DOCK1: variants seen among roughly 807,000 people sequenced by gnomAD.
The protein encoded by DOCK1 is dedicator of cytokinesis 1, also known as dedicator of cytokinesis protein 1.
Under a neutral mutation model 262.7 loss-of-function variants are expected in DOCK1, and 138 were observed. The ratio of observed to expected loss-of-function variants is 0.53; its 90% CI spans 0.46 to 0.61. The LOEUF is 0.61. Ranked by LOEUF, DOCK1 falls within the 20% of genes least tolerant of loss-of-function variation. The pLI is 0.00. For synonymous variants in DOCK1, 866 were observed against 867.4 expected, an observed-to-expected ratio of 1.00 and a Z score of 0.03; for missense variants, 1,908 against 2,370.7, an observed-to-expected ratio of 0.80 and a Z score of 4.05.
At chr10:127,000,343 G>C in intron 10 of DOCK1, 36 bp downstream of exon 10, 1 of 1,604,562 alleles carries the variant, frequency 6.2e-7, no homozygotes, top group South Asian at 1.1e-5. Context: ...GAGAGTTTCA[G>C]ATCTTCACAG....
intron 27 of DOCK1, among the ~76,000 whole-genome samples, chr10:127,151,766 C>T (rs1197437769): frequency 1.3e-5 from 2 of 152,174 alleles, no homozygotes; most frequent in African/African-American, 4.8e-5. Flanking sequence ...TTGGCAAATT[C>T]CTGTGGTGCT....
chr10:126,974,618 G>A (rs1011986597), intron 2 of DOCK1, among the ~76,000 whole-genome samples: 2 of 152,270 alleles, frequency 1.3e-5, no homozygotes, highest in East Asian at 3.9e-4. Context: ...AGAGCAGCCA[G>A]GTAATCGTTC....
At chr10:127,146,342 T>A (rs2051851545) in intron 27 of DOCK1, among the ~76,000 whole-genome samples, 2 of 152,188 alleles carry the variant, frequency 1.3e-5, no homozygotes, top group African/African-American at 4.8e-5. Context: ...TTTCCTAGCA[T>A]CTAAATAAGA....
chr10:127,256,855 A>T (rs2059841864), intron 28 of DOCK1, among the ~76,000 whole-genome samples: 1 of 152,192 alleles, frequency 6.6e-6, no homozygotes, highest in Admixed American at 6.5e-5. Context: ...ATCTGTGCAG[A>T]TGGTCAGGAG....
chr10:126,929,781 T>C (rs1438558364), intron 1 of DOCK1, among the ~76,000 whole-genome samples: 1 of 152,048 alleles, frequency 6.6e-6, no homozygotes, highest in East Asian at 1.9e-4. Flanking sequence ...AGTTCATGAA[T>C]CAGTTGCATG....
intron 27 of DOCK1, among the ~76,000 whole-genome samples, chr10:127,236,528 A>G (rs536963680): frequency 6.1e-5 from 5 of 81,950 alleles, no homozygotes; most frequent in Non-Finnish European, 1.3e-4. Context: ...TTTTTTTTGA[A>G]ATCAGTTAAC....
chr10:127,226,750 AAAACAAAC>A (rs147379947), intron 27 of DOCK1, among the ~76,000 whole-genome samples: 1 of 151,630 alleles, frequency 6.6e-6, no homozygotes, highest in Non-Finnish European at 1.5e-5. Flanking sequence ...TCTCAGAATG[AAAACAAAC>A]AAACAAACAA....
chr10:127,396,921 C>T (rs375078715), intron 38 of DOCK1, among the ~76,000 whole-genome samples: 4,441 of 146,972 alleles, frequency 0.03, 69 homozygotes, highest in South Asian at 0.07. Flanking sequence ...ATGAGTTACA[C>T]GGGCAGCGAC....
chr10:127,160,400 T>C (rs2053496382), intron 27 of DOCK1, among the ~76,000 whole-genome samples: 1 of 152,172 alleles, frequency 6.6e-6, no homozygotes. Flanking sequence ...GGATGGGGCA[T>C]TTGTGTGTGC....
intron 27 of DOCK1, among the ~76,000 whole-genome samples, chr10:127,146,747 AG>A (rs2051897620): frequency 6.6e-6 from 1 of 152,204 alleles, no homozygotes; most frequent in South Asian, 2.1e-4. Context: ...AGGGCTGGAA[AG>A]GGCACTTCCA....
At chr10:127,135,188 T>G (rs2050582991) in intron 27 of DOCK1, among the ~76,000 whole-genome samples, 1 of 152,188 alleles carries the variant, frequency 6.6e-6, no homozygotes, top group Non-Finnish European at 1.5e-5. Context: ...TGCCACCATG[T>G]GTTCCGGTGG....
At chr10:127,021,221 A>C (rs781739999) in intron 13 of DOCK1, among the ~76,000 whole-genome samples, 2 of 152,162 alleles carry the variant, frequency 1.3e-5, no homozygotes, top group African/African-American at 4.8e-5. Context: ...GCTGGAGTGC[A>C]GTAGCACGAT....
chr10:127,425,964 A>G lies in DOCK1; in HGVS notation c.4867A>G (p.Lys1623Glu). 1 of 1,614,040 alleles carries G rather than the reference A, an allele frequency of 6.2e-7. No homozygotes were observed. The highest frequency in any genetic ancestry group is 8.5e-7 in the Non-Finnish European group (1 of 1,179,896). ...CCACGAGAGGATGGAGGCCTGTTTC[A>G]AACAGCTGAAGGAAAAGGTGGAGAA... ...PFHERMEACF[K>E]QLKEKVEKEY... Residue 1623 changes from lysine to glutamate, a missense_variant, in exon 47 of 52, where the codon AAA becomes GAA. This residue lies in a region of DOCK1 where 383 missense variants were observed against 420.1 expected (regional missense o/e 0.91). Transcript: ENST00000623213.
intron 25 of DOCK1, among the ~76,000 whole-genome samples, chr10:127,124,382 G>A (rs550112808): frequency 6.6e-6 from 1 of 152,184 alleles, no homozygotes; most frequent in Non-Finnish European, 1.5e-5. Context: ...GAATGGCTGG[G>A]CTAGTGTCAA....
intron 27 of DOCK1, among the ~76,000 whole-genome samples, chr10:127,169,350 A>G (rs886571622): frequency 4.6e-5 from 7 of 152,318 alleles, no homozygotes; most frequent in Admixed American, 3.9e-4. Context: ...TGCCTGGCAC[A>G]GTGTCCATCA....
intron 18 of DOCK1, among the ~76,000 whole-genome samples, chr10:127,034,753 G>A (rs1340243): frequency 0.2 from 30,235 of 152,102 alleles, 3,183 homozygotes; most frequent in East Asian, 0.28. Context: ...AAGCATGCTC[G>A]GAAGTCATTA....
intron 27 of DOCK1, among the ~76,000 whole-genome samples, chr10:127,141,672 A>C (rs1339464724): frequency 6.6e-6 from 1 of 151,304 alleles, no homozygotes; most frequent in African/African-American, 2.4e-5. Flanking sequence ...CTTTGTCTTT[A>C]AAACAAAAAA....
chr10:127,030,657 C>G (rs1306784472), intron 16 of DOCK1, among the ~76,000 whole-genome samples: 3 of 152,196 alleles, frequency 2.0e-5, no homozygotes, highest in African/African-American at 7.2e-5. Context: ...GATTGAGTAC[C>G]TGTTGGGCAC....
chr10:127,161,272 A>G (rs1273813248), intron 27 of DOCK1, among the ~76,000 whole-genome samples: 2 of 152,216 alleles, frequency 1.3e-5, no homozygotes, highest in Admixed American at 6.5e-5. Context: ...GGAACAGCCA[A>G]TTTATGGTTG....
Sources: gnomAD v4.1 joint callset for allele counts (sites outside exome capture counted in the v4.1 genomes callset) on GRCh38, gnomAD v4.1.1 for gene constraint, gnomAD v4.1.1 regional missense constraint, MANE v1.5 for transcripts, NCBI Gene and HGNC (gene_info 2026-07-23, HGNC 2026-07-21) for gene names.